BDP1: variants seen among roughly 807,000 people sequenced by gnomAD.
BDP1 encodes the protein BDP1 general transcription factor IIIB subunit.
In BDP1, 169 loss-of-function variants were observed where a neutral mutation model predicts 266.6. The ratio of observed to expected loss-of-function variants is 0.63; its 90% CI spans 0.56 to 0.72. BDP1 has a LOEUF of 0.72. Among genes scored for constraint, BDP1 ranks in the 30% least tolerant of loss-of-function variants. The pLI is 0.00. For missense variants in BDP1, 3,015 were observed against 3,053.8 expected (o/e 0.99, Z 0.30); for synonymous variants, 1,090 against 1,022.4 (o/e 1.07, Z -1.26).
downstream of BDP1, among the ~76,000 whole-genome samples, chr5:71,570,235 A>G (rs538393190): frequency 2.4e-4 from 36 of 152,304 alleles, 2 homozygotes; most frequent in South Asian, 7.0e-3. Context: ...CAGAGTCACT[A>G]TCTTAATAAC....
At chr5:71,493,490 A>G (rs964855846) in intron 11 of BDP1, among the ~76,000 whole-genome samples, 3 of 152,238 alleles carry the variant, frequency 2.0e-5, no homozygotes, top group Admixed American at 1.3e-4. Flanking sequence ...GGCTCAAGCA[A>G]TCCTCGCACC....
chr5:71,471,542 T>G (rs954435206), intron 7 of BDP1, among the ~76,000 whole-genome samples: 3 of 152,244 alleles, frequency 2.0e-5, no homozygotes, highest in Non-Finnish European at 4.4e-5. Flanking sequence ...TCTGATCCGT[T>G]GCTTTCCTAG....
Position 71,486,586 on chromosome 5 carries a change from T to G in BDP1, c.1172T>G (p.Leu391Ter). 2 of 1,535,624 alleles carry G rather than the reference T, an allele frequency of 1.3e-6. No homozygotes were observed. Among genetic ancestry groups the G allele is most frequent in the Non-Finnish European group, 8.7e-7 (1 of 1,154,838 alleles). Reference sequence around the variant, plus strand: ...CAAAAATCTGTTAAAAATCACAGTTTAAAGGAGAAGAAATCCACCAAACCA... The same window carrying G: ...CAAAAATCTGTTAAAAATCACAGTTGAAAGGAGAAGAAATCCACCAAACCA... ...RKQKSVKNHS[L>*]KEKKSTKPRK... is the part of the protein sequence containing the mutation. Residue 391 changes from leucine to a stop codon, truncating the protein, a stop_gained, in exon 9 of 39, where the codon TTA becomes TGA. Coordinates refer to ENST00000358731, the MANE Select transcript of BDP1 (RefSeq NM_018429.3). LOFTEE classifies it high-confidence loss of function.
At chr5:71,517,154 G>A (rs567422880) in intron 21 of BDP1, among the ~76,000 whole-genome samples, 168 bp from the exon 22 acceptor site, 1 of 152,258 alleles carries the variant, frequency 6.6e-6, no homozygotes, top group East Asian at 1.9e-4. Flanking sequence ...TTGAGCCTAG[G>A]ACTTTGAGAC....
intron 38 of BDP1, chr5:71,562,859 C>A: frequency 7.7e-7 from 1 of 1,296,448 alleles, no homozygotes; most frequent in Non-Finnish European, 1.0e-6. Context: ...AATTTGTTCA[C>A]ATGTTTCATT....
At chr5:71,573,055 C>A in the BDP1 span, among the ~76,000 whole-genome samples, 9 of 151,912 alleles carry the variant, frequency 5.9e-5, no homozygotes, top group African/African-American at 2.2e-4. Flanking sequence ...ATGGTGAAAC[C>A]CTGTCTCTAC....
intron 34 of BDP1, among the ~76,000 whole-genome samples, chr5:71,551,769 A>C (rs1427131735): frequency 3.3e-4 from 41 of 124,686 alleles, no homozygotes; most frequent in African/African-American, 5.2e-4. Context: ...GCTGGCCGGG[A>C]GGGGGGCTGA....
chr5:71,531,794 C>T (rs1469371961), intron 25 of BDP1, among the ~76,000 whole-genome samples: 2 of 152,138 alleles, frequency 1.3e-5, no homozygotes, highest in African/African-American at 4.8e-5. Flanking sequence ...CAGGCGTGAG[C>T]CACTGCGCCT....
At position 71,522,408 on chromosome 5, in the gene BDP1, T is replaced by A; in HGVS notation, c.5111T>A (p.Val1704Asp). ...AAAGAGGAACCAGTTTTAGAAAAAGTCACAACAGATCAGAGCAAGGAAGGC... is the reference window on the plus strand; with the variant it reads ...AAAGAGGAACCAGTTTTAGAAAAAGACACAACAGATCAGAGCAAGGAAGGC... ...SKKEEPVLEK[V>D]TTDQSKEGKP... is the part of the protein sequence containing the mutation. The change falls in exon 23 of 39, where the codon GTC becomes GAC. Residue 1704 changes from valine to aspartate, a missense_variant. Val to Asp is a radical substitution (Grantham distance 152). This residue lies in a region of BDP1 where 2,383 missense variants were observed against 2,404.9 expected (regional missense o/e 0.99). Transcript: ENST00000358731. The A allele has an allele frequency of 6.2e-7, 1 of 1,613,110 alleles. No homozygotes were observed. Among genetic ancestry groups the A allele is most frequent in the African/African-American group, 1.3e-5 (1 of 74,638 alleles).
At position 71,511,201 on chromosome 5, in the gene BDP1, G is replaced by A. The variant is rs569568321; in HGVS notation, c.4059+50G>A. ...AGTTTTTTGAATGCTTTTTTCAGAG[G>A]AAATAAATAATTCCATGATTATTTT... On this transcript the variant is annotated intron_variant, in intron 17 of 38. Coordinates refer to ENST00000358731, the MANE Select transcript of BDP1 (RefSeq NM_018429.3). The A allele has an allele frequency of 6.7e-5, 101 of 1,503,642 alleles. No homozygotes were observed. The South Asian group carries it at 1.1e-3, about 16-fold the overall frequency. The allele number at this position is 1,503,642 out of a possible 1,614,324, so 93.1% of individuals were successfully genotyped here.
intron 35 of BDP1, among the ~76,000 whole-genome samples, chr5:71,553,553 T>C (rs1002279179): frequency 6.6e-6 from 1 of 152,214 alleles, no homozygotes; most frequent in Non-Finnish European, 1.5e-5. Flanking sequence ...TTCCCAGCTC[T>C]GTATTGGTGG....
chr5:71,501,160 T>C (rs943046476), intron 13 of BDP1, among the ~76,000 whole-genome samples: 3 of 151,982 alleles, frequency 2.0e-5, no homozygotes, highest in African/African-American at 7.2e-5. Context: ...TAGTTAGAAG[T>C]ACAAAAAATG....
rs201582692 is a variant in BDP1 at position 71,501,568 on chromosome 5, G to A, written c.1963G>A (p.Val655Met). ...HSKTSVEKNH[V>M]EKDKMNTLDI... The stretch of plus-strand genomic sequence containing the variant: ...TAGCAAATTAAATTCACAGAACCAC[G>A]TGGAAAAAGATAAAATGAATACATT... Residue 655 changes from valine (V) to methionine (M), a missense_variant, in exon 14 of 39, where the codon GTG becomes ATG. This residue lies in a region of BDP1 where 2,383 missense variants were observed against 2,404.9 expected (regional missense o/e 0.99). Transcript: ENST00000358731. The A allele has an allele frequency of 2.0e-4, 320 of 1,575,380 alleles. No homozygotes were observed. Among genetic ancestry groups the A allele is most frequent in the Admixed American group, 1.1e-3 (65 of 58,310 alleles).
chr5:71,542,280 C>T lies in BDP1; in HGVS notation c.6412+15C>T. 2 of 1,577,488 alleles carry T rather than the reference C, an allele frequency of 1.3e-6. No individual in the cohort carries two copies. The highest frequency in any genetic ancestry group is 2.4e-5 in the South Asian group (2 of 84,282). On this transcript the variant is annotated intron_variant, in intron 30 of 38. Coordinates refer to ENST00000358731, the MANE Select transcript of BDP1 (RefSeq NM_018429.3). ...AACTCAAAGAGGTAAATTTTATTCT[C>T]TTAATATGTTGCAAAATCATTTTGA...
At chr5:71,477,988 C>T (rs544303548) in intron 7 of BDP1, among the ~76,000 whole-genome samples, 2 of 152,260 alleles carry the variant, frequency 1.3e-5, no homozygotes, top group South Asian at 2.1e-4. Context: ...CGGTGATTCA[C>T]GCCTGTAATC....
chr5:71,534,982 A>G (rs1301987254), intron 26 of BDP1, among the ~76,000 whole-genome samples: 2 of 151,972 alleles, frequency 1.3e-5, no homozygotes, highest in Non-Finnish European at 2.9e-5. Flanking sequence ...TGTTCGTTGC[A>G]AGTGTGTAGA....
At position 71,455,882 on chromosome 5, in the gene BDP1, T is replaced by G; in HGVS notation, c.5T>G (p.Phe2Cys). 6.3e-7 allele frequency: 1 copy of G among 1,583,258 alleles called. No homozygotes were observed. Among genetic ancestry groups the G allele is most frequent in the Non-Finnish European group, 8.6e-7 (1 of 1,164,958 alleles). MFRRARLSVKPN... is the reference protein window; with the variant it reads MCRRARLSVKPN... ...CCCGGGCCCCCTGCCTCCGCCATGT[T>G]CCGCAGGGCACGCCTTAGCGTGAAG... Residue 2 changes from phenylalanine to cysteine, a missense_variant, in exon 1 of 39, where the codon TTC becomes TGC. By Grantham distance (205) the Phe-to-Cys change is radical. Transcript: ENST00000358731.
chr5:71,553,020 A>G, intron 34 of BDP1, 96 bp from the exon 35 acceptor site: 1 of 1,055,924 alleles, frequency 9.5e-7, no homozygotes, highest in Non-Finnish European at 1.4e-6. Flanking sequence ...TCAGCCTTTA[A>G]CTTTATTATT....
At chr5:71,517,170 T>C (rs1351180582) in intron 21 of BDP1, 152 bp from the exon 22 acceptor site, 1 of 642,516 alleles carries the variant, frequency 1.6e-6, no homozygotes, top group Non-Finnish European at 2.5e-6. Context: ...GAGACTAGCC[T>C]GGGCAGTATG....
Sources: allele counts gnomAD v4.1 joint callset (sites outside exome capture counted in the v4.1 genomes callset), GRCh38; gene constraint gnomAD v4.1.1; regional missense constraint gnomAD v4.1.1; transcripts MANE v1.5; gene names NCBI Gene and HGNC (gene_info 2026-07-23, HGNC 2026-07-21).